DIAPH2: variants seen among roughly 807,000 people sequenced by gnomAD.
DIAPH2 encodes protein diaphanous homolog 2.
DIAPH2 carries 35 observed loss-of-function variants against 92.7 expected under a neutral mutation model. The observed-to-expected ratio is 0.38, with a 90% confidence interval of 0.29 to 0.50. The LOEUF is 0.50. Ranked by LOEUF, DIAPH2 falls within the 20% of genes least tolerant of loss-of-function variation. The pLI, the probability that DIAPH2 is intolerant of heterozygous loss-of-function variation, is 0.94. For missense variants in DIAPH2, 701 were observed against 819.5 expected, an observed-to-expected ratio of 0.86 and a Z score of 1.77; for synonymous variants, 301 against 280.4, an observed-to-expected ratio of 1.07 and a Z score of -0.73.
intron 17 of DIAPH2, among the ~76,000 whole-genome samples, chrX:96,974,168 TGAAATG>T (rs762153683): frequency 7.2e-5 from 8 of 111,731 alleles, no homozygotes; most frequent in Non-Finnish European, 1.1e-4. Flanking sequence ...TAAGGAGGGG[TGAAATG>T]CATACTGCCT....
At chrX:96,835,191 T>G (rs1218201648) in intron 4 of DIAPH2, among the ~76,000 whole-genome samples, 2 of 111,890 alleles carry the variant, frequency 1.8e-5, no homozygotes, top group Non-Finnish European at 3.8e-5. Context: ...GTGAGGAAAC[T>G]GGCTCAATCC....
intron 4 of DIAPH2, among the ~76,000 whole-genome samples, chrX:96,809,353 AAC>A (rs1491470646): frequency 3.8e-5 from 4 of 105,448 alleles, no homozygotes; most frequent in Admixed American, 1.0e-4. Flanking sequence ...AAAAAAAAAA[AAC>A]ATAACCTGAG....
chrX:96,795,980 G>A (rs2064535907), intron 4 of DIAPH2, among the ~76,000 whole-genome samples: 1 of 110,960 alleles, frequency 9.0e-6, no homozygotes, highest in Admixed American at 9.6e-5. Context: ...CACAACCAAC[G>A]GAGAAATAGT....
intron 17 of DIAPH2, among the ~76,000 whole-genome samples, chrX:97,001,966 A>G (rs993937390): frequency 2.2e-4 from 24 of 110,674 alleles, no homozygotes; most frequent in Non-Finnish European, 3.8e-5. Context: ...TGAGCATCCC[A>G]AGATCAGACA....
intron 20 of DIAPH2, among the ~76,000 whole-genome samples, chrX:97,113,304 T>C (rs896132036): frequency 8.9e-6 from 1 of 111,806 alleles, no homozygotes; most frequent in African/African-American, 3.3e-5. Context: ...AGCAATAGTT[T>C]TCAAGGTTCT....
At chrX:97,091,203 T>G (rs2066822448) in intron 19 of DIAPH2, among the ~76,000 whole-genome samples, 1 of 111,284 alleles carries the variant, frequency 9.0e-6, no homozygotes, top group East Asian at 2.8e-4. Flanking sequence ...TTGTATACCT[T>G]TCTTCTTATA....
At chrX:96,818,221 A>C (rs1686767) in intron 4 of DIAPH2, among the ~76,000 whole-genome samples, 2 of 97,994 alleles carry the variant, frequency 2.0e-5, no homozygotes, top group Non-Finnish European at 4.0e-5. Flanking sequence ...CCTTGTGATC[A>C]GCCCACCTCG....
At chrX:97,038,629 T>C (rs1041629221) in intron 17 of DIAPH2, among the ~76,000 whole-genome samples, 1 of 108,992 alleles carries the variant, frequency 9.2e-6, no homozygotes, top group African/African-American at 3.3e-5. Flanking sequence ...CTGTGTTTTT[T>C]GACTTTTTAA....
rs758475951 is a variant in DIAPH2, at chrX:97,049,217, AT to A, written c.2051-23718del. 4.6e-3 allele frequency among the ~76,000 whole-genome samples: 509 copies of A among 110,744 alleles called. 4 individuals carry two copies. The highest frequency in any genetic ancestry group is 0.015 in the South Asian group (40 of 2,624). ...AGCCTAATTATAATTAATAATTTTA[AT>A]TTTTTAAAGTAATAATGTGTGAGGT... is the stretch of plus-strand genomic sequence containing the variant. On this transcript the variant is annotated intron_variant, in intron 17 of 26. Transcript: ENST00000324765.
At chrX:97,559,013 CA>C (rs1404898378) in intron 26 of DIAPH2, among the ~76,000 whole-genome samples, 1 of 112,176 alleles carries the variant, frequency 8.9e-6, no homozygotes, top group Admixed American at 9.5e-5. Flanking sequence ...CAATCAGCTA[CA>C]CATTTTCAGC....
rs1312010641 is a variant in DIAPH2 at position 97,603,569 on chromosome X, A to C, written c.*4252A>C. 2 of 112,034 alleles carry C rather than the reference A, an allele frequency of 1.8e-5. No homozygotes were observed. Among genetic ancestry groups the C allele is most frequent in the African/African-American group, 6.5e-5 (2 of 30,823 alleles). The allele number at this position is 112,034 out of a possible 1,213,427, so 9.2% of individuals were successfully genotyped here. A position where few individuals can be genotyped will look rare whatever the true frequency, so the allele number is the denominator to read the frequency against. On this transcript the variant is annotated 3_prime_UTR_variant, in exon 27 of 27. Transcript: ENST00000324765. ...CCACCATGCCCAGCCTGTTTTGTCAATGTATCTGTTTTCTGTCTTATTTTA... is the reference window on the plus strand; with the variant it reads ...CCACCATGCCCAGCCTGTTTTGTCACTGTATCTGTTTTCTGTCTTATTTTA...
At chrX:97,534,305 T>C (rs2071081246) in intron 26 of DIAPH2, among the ~76,000 whole-genome samples, 1 of 110,838 alleles carries the variant, frequency 9.0e-6, no homozygotes, top group Non-Finnish European at 1.9e-5. Flanking sequence ...CCTAAATCCT[T>C]GTGGCTAGGA....
At chrX:97,099,184 G>C (rs973609458) in intron 19 of DIAPH2, among the ~76,000 whole-genome samples, 1 of 110,356 alleles carries the variant, frequency 9.1e-6, no homozygotes, top group African/African-American at 3.3e-5. Flanking sequence ...TCTAAACACG[G>C]TGAAACCCCG....
intron 22 of DIAPH2, among the ~76,000 whole-genome samples, chrX:97,236,392 C>G (rs2068047499): frequency 9.0e-6 from 1 of 111,473 alleles, no homozygotes; most frequent in South Asian, 3.7e-4. Context: ...TTTATGTGTA[C>G]TTAATTCTTG....
intron 22 of DIAPH2, among the ~76,000 whole-genome samples, chrX:97,189,978 A>G (rs2067639353): frequency 8.8e-6 from 1 of 113,353 alleles, no homozygotes; most frequent in African/African-American, 3.2e-5. Context: ...GTTTTGGCTC[A>G]GGAGAAAAAC....
chrX:96,806,876 G>C (rs934039872), intron 4 of DIAPH2, among the ~76,000 whole-genome samples: 53 of 107,774 alleles, frequency 4.9e-4, no homozygotes, highest in African/African-American at 1.7e-3. Flanking sequence ...GAGTAGCTGG[G>C]ACTACAGGCG....
chrX:97,337,401 G>C (rs937950255), intron 23 of DIAPH2, among the ~76,000 whole-genome samples: 9 of 110,713 alleles, frequency 8.1e-5, no homozygotes, highest in Admixed American at 1.9e-4. Context: ...TGGATCATGG[G>C]GACAGTTTCC....
At chrX:97,320,512 G>C (rs2068883388) in intron 23 of DIAPH2, among the ~76,000 whole-genome samples, 1 of 110,667 alleles carries the variant, frequency 9.0e-6, no homozygotes, top group Non-Finnish European at 1.9e-5. Context: ...TCAGGAGGTC[G>C]AGACCAGACT....
intron 4 of DIAPH2, among the ~76,000 whole-genome samples, chrX:96,879,231 T>C (rs182240968): frequency 1.8e-5 from 2 of 110,918 alleles, no homozygotes; most frequent in African/African-American, 6.6e-5. Context: ...GAATGTGGGG[T>C]GGGGAGAAGA....
Sources: allele counts gnomAD v4.1 joint callset (sites outside exome capture counted in the v4.1 genomes callset), GRCh38; gene constraint gnomAD v4.1.1; transcripts MANE v1.5; gene names NCBI Gene and HGNC (gene_info 2026-07-23, HGNC 2026-07-21).